Variants in GLIS3 observed in about 807,000 individuals in gnomAD.
The protein encoded by GLIS3 is zinc finger protein GLIS3.
Under a neutral mutation model 78.6 loss-of-function variants are expected in GLIS3, and 53 were observed. The observed-to-expected ratio is 0.67, with a 90% CI of 0.54 to 0.85. The LOEUF is 0.85. GLIS3 is among the 40% of genes least tolerant of loss of function. GLIS3 has a pLI of 0.00. For missense variants in GLIS3, 1,703 were observed against 1,231.1 expected (o/e 1.38, Z -5.74); for synonymous variants, 684 against 509.9 (o/e 1.34, Z -4.60).
intron 2 of GLIS3, among the ~76,000 whole-genome samples, chr9:4,228,355 T>C (rs1391538540): frequency 6.6e-6 from 1 of 152,128 alleles, no homozygotes; most frequent in Non-Finnish European, 1.5e-5. Flanking sequence ...AGAGGGGCTG[T>C]CCATGCGAAT....
chr9:4,264,552 G>C (rs1825814544), intron 2 of GLIS3, among the ~76,000 whole-genome samples: 1 of 152,094 alleles, frequency 6.6e-6, no homozygotes, highest in Non-Finnish European at 1.5e-5. Context: ...AAAATGACCT[G>C]GCTGTACCTC....
At chr9:4,366,353 C>A in the GLIS3 span, among the ~76,000 whole-genome samples, 1 of 152,178 alleles carries the variant, frequency 6.6e-6, no homozygotes, top group African/African-American at 2.4e-5. Context: ...TACTTTCAAG[C>A]GAATCCAAGG....
the GLIS3 span, among the ~76,000 whole-genome samples, chr9:4,387,706 A>G: frequency 1.3e-5 from 2 of 152,140 alleles, no homozygotes; most frequent in Admixed American, 6.5e-5. Flanking sequence ...TTCTTCATCA[A>G]TCCCCTACCA....
At chr9:4,109,824 C>G (rs1028632221) in intron 4 of GLIS3, among the ~76,000 whole-genome samples, 2 of 152,166 alleles carry the variant, frequency 1.3e-5, no homozygotes, top group African/African-American at 4.8e-5. Flanking sequence ...TTTCATACTC[C>G]TGTGCTATTT....
At chr9:4,307,243 A>G (rs1817249633) in intron 4 of GLIS3, among the ~76,000 whole-genome samples, 1 of 152,150 alleles carries the variant, frequency 6.6e-6, no homozygotes, top group Non-Finnish European at 1.5e-5. Flanking sequence ...GTAACACTCT[A>G]TTGCCTCCAT....
intron 2 of GLIS3, among the ~76,000 whole-genome samples, chr9:4,257,075 G>A (rs1271716757): frequency 2.0e-5 from 3 of 151,978 alleles, no homozygotes; most frequent in Non-Finnish European, 1.5e-5. Flanking sequence ...ATATGTATGT[G>A]TACATATGTA....
Position 3,997,930 on chromosome 9 carries a change from A to G in GLIS3, c.1711-60741T>C, listed in dbSNP as rs537278132. Among the ~76,000 whole-genome samples, 8 of 152,300 alleles carry G rather than the reference A, an allele frequency of 5.3e-5. No homozygotes were observed. In the East Asian group the frequency reaches 1.2e-3, roughly 22 times the overall value. On this transcript the variant is annotated intron_variant, in intron 4 of 10. Transcript: ENST00000381971. The stretch of plus-strand genomic sequence containing the variant: ...ATAAAAATAAATGCATATAGATTAT[A>G]TAATCTTATACATAAAACCCCTACA...
intron 4 of GLIS3, among the ~76,000 whole-genome samples, chr9:4,010,223 G>A (rs1480818475): frequency 6.6e-6 from 1 of 152,158 alleles, no homozygotes; most frequent in Non-Finnish European, 1.5e-5. Context: ...GGTCCCAGAT[G>A]GCTTGGACTC....
chr9:4,052,941 ATTTAG>A (rs536234386), intron 4 of GLIS3, among the ~76,000 whole-genome samples: 2,367 of 152,114 alleles, frequency 0.016, 60 homozygotes, highest in African/African-American at 0.051. Flanking sequence ...TTCATGTTTA[ATTTAG>A]TATTTTAATT....
chr9:4,092,212 C>G (rs923979858), intron 4 of GLIS3, among the ~76,000 whole-genome samples: 1 of 147,854 alleles, frequency 6.8e-6, no homozygotes, highest in East Asian at 2.0e-4. Flanking sequence ...AGTGGAGTGG[C>G]GCAGTCTCGG....
chr9:4,374,495 G>T, the GLIS3 span, among the ~76,000 whole-genome samples: 1 of 152,238 alleles, frequency 6.6e-6, no homozygotes, highest in Non-Finnish European at 1.5e-5. Flanking sequence ...CCCTCACACA[G>T]GCTCAGCCTG....
intron 2 of GLIS3, among the ~76,000 whole-genome samples, chr9:4,166,255 G>T (rs1432122407): frequency 6.6e-6 from 1 of 152,134 alleles, no homozygotes; most frequent in East Asian, 1.9e-4. Context: ...GAATTGAAGA[G>T]ATCTATAGGG....
In GLIS3 at chr9:3,825,261, G is replaced by A. The variant is rs777209130; in HGVS notation, c.*3011C>T. 7.9e-5 allele frequency: 12 copies of A among 151,698 alleles called. No individual in the cohort carries two copies. The highest frequency in any genetic ancestry group is 1.3e-4 in the Non-Finnish European group (9 of 67,978). The allele number at this position is 151,698 out of a possible 1,614,324, so 9.4% of individuals were successfully genotyped here. ...TTTTTTTTCTTCTTATTTTATGATC[G>A]CTTATGTAATTTGAGGGCGACATGG... On this transcript the variant is annotated 3_prime_UTR_variant, in exon 11 of 11. Coordinates refer to ENST00000381971, the MANE Select transcript of GLIS3 (RefSeq NM_001042413.2).
At chr9:4,391,905 T>C in the GLIS3 span, among the ~76,000 whole-genome samples, 2 of 152,204 alleles carry the variant, frequency 1.3e-5, no homozygotes, top group African/African-American at 2.4e-5. Flanking sequence ...ACTGGGTATA[T>C]ACCCAAAGGA....
chr9:3,953,783 CTCTCTCTCTCTCTATA>C (rs1266934185), intron 4 of GLIS3, among the ~76,000 whole-genome samples: 7 of 40,680 alleles, frequency 1.7e-4, no homozygotes, highest in African/African-American at 5.5e-4. Context: ...CTCTCTCTCT[CTCTCTCTCTCTCTATA>C]TATATATATA....
chr9:3,862,254 G>T (rs1416270668), intron 8 of GLIS3, among the ~76,000 whole-genome samples: 1 of 152,142 alleles, frequency 6.6e-6, no homozygotes, highest in Non-Finnish European at 1.5e-5. Flanking sequence ...GGGGTGAGGG[G>T]GGAATGAAGA....
chr9:4,350,336 C>G (rs987833275), upstream of GLIS3, among the ~76,000 whole-genome samples: 3 of 152,186 alleles, frequency 2.0e-5, no homozygotes, highest in African/African-American at 7.2e-5. Context: ...CTTAAAGAGA[C>G]TATTTCAGTT....
At chr9:4,449,983 G>T in the GLIS3 span, among the ~76,000 whole-genome samples, 4 of 152,206 alleles carry the variant, frequency 2.6e-5, no homozygotes, top group Admixed American at 6.5e-5. Context: ...AACAAAGCTG[G>T]AGGGGGAATG....
At chr9:3,911,405 A>G (rs558578545) in intron 6 of GLIS3, among the ~76,000 whole-genome samples, 3 of 152,328 alleles carry the variant, frequency 2.0e-5, no homozygotes, top group African/African-American at 7.2e-5. Context: ...TCTTGGCTAC[A>G]TTCAACTCAA....
Sources: gnomAD v4.1 joint callset for allele counts (sites outside exome capture counted in the v4.1 genomes callset) on GRCh38, gnomAD v4.1.1 for gene constraint, MANE v1.5 for transcripts, NCBI Gene and HGNC (gene_info 2026-07-23, HGNC 2026-07-21) for gene names.